Variants in SSX1 observed in about 807,000 individuals in gnomAD.
SSX1 encodes the protein protein SSX1.
Under a neutral mutation model 14.6 loss-of-function variants are expected in SSX1, and 58 were observed. The ratio of observed to expected loss-of-function variants is 3.96; its 90% confidence interval spans 3.21 to 4.93. SSX1 has a LOEUF of 4.93. Ranked by LOEUF, SSX1 falls within the 30% of genes most tolerant of loss-of-function variation. SSX1 has a pLI of 0.00. For missense variants in SSX1, 272 were observed against 143.1 expected, an observed-to-expected ratio of 1.90 and a Z score of -4.60; for synonymous variants, 46 against 52.1, an observed-to-expected ratio of 0.88 and a Z score of 0.50.
chrX:48,262,346 C>T (rs1334258641), intron 5 of SSX1, among the ~76,000 whole-genome samples: 1 of 112,278 alleles, frequency 8.9e-6, no homozygotes, highest in Non-Finnish European at 1.9e-5. Flanking sequence ...AGCTCCAAGC[C>T]ATTTAAAGCT....
Position 48,266,359 on chromosome X carries a change from T to A in SSX1, c.539T>A (p.Ile180Asn). The change falls in exon 7 of 8, where the codon ATC becomes AAC. Residue 180 changes from isoleucine to asparagine, a missense_variant. Ile to Asn is a moderately radical substitution (Grantham distance 149). Transcript: ENST00000376919. ...ERKQLVIYEE[I>N]SDPEEDDE ...AAGCAGCTGGTGATTTATGAAGAGA[T>A]CAGTGACCCTGAGGAAGATGACGAG... 2 of 1,210,043 alleles carry A rather than the reference T, an allele frequency of 1.7e-6. No homozygotes were observed. The highest frequency in any genetic ancestry group is 2.2e-6 in the Non-Finnish European group (2 of 895,343).
In SSX1 at chrX:48,261,788, C is replaced by T. The variant is rs1556935513; in HGVS notation, c.303C>T (p.Phe101=). 1.3e-5 allele frequency: 16 copies of T among 1,210,889 alleles called. No homozygotes were observed. Among genetic ancestry groups the T allele is most frequent in the East Asian group, 3.0e-5 (1 of 33,812 alleles). Residue 101 remains phenylalanine, a synonymous_variant, in exon 5 of 8, where the codon TTC becomes TTT. Coordinates refer to ENST00000376919, the MANE Select transcript of SSX1 (RefSeq NM_005635.4). ...RIQVEHPQMT[F]GRLHRIIPKI... is the part of the protein sequence containing the mutation. ...CAGTTGAACATCCTCAGATGACTTT[C>T]GGCAGGCTCCACAGAATCATCCCGA...
intron 4 of SSX1, among the ~76,000 whole-genome samples, chrX:48,261,271 C>A (rs1428205582): frequency 8.9e-6 from 1 of 111,975 alleles, no homozygotes; most frequent in Non-Finnish European, 1.9e-5. Flanking sequence ...AGATCTGAAA[C>A]TCCAGTGCTT....
chrX:48,264,775 G>C (rs782420934), intron 6 of SSX1, among the ~76,000 whole-genome samples: 1 of 112,830 alleles, frequency 8.9e-6, no homozygotes, highest in South Asian at 3.6e-4. Context: ...ATCATCTCTA[G>C]CTATGAAAGT....
At chrX:48,256,334 T>G (rs1379129391) in intron 1 of SSX1, among the ~76,000 whole-genome samples, 19 of 107,956 alleles carry the variant, frequency 1.8e-4, no homozygotes, top group African/African-American at 6.1e-4. Context: ...AGTAGAGGGT[T>G]TTTCTAGGTT....
intron 4 of SSX1, among the ~76,000 whole-genome samples, chrX:48,260,304 T>C (rs1421867849): frequency 6.3e-5 from 7 of 110,497 alleles, no homozygotes; most frequent in African/African-American, 2.3e-4. Flanking sequence ...GGGTTGTTTG[T>C]TTTTTTCTTG....
chrX:48,256,549 C>A (rs1283210909), intron 1 of SSX1, among the ~76,000 whole-genome samples: 1 of 102,173 alleles, frequency 9.8e-6, no homozygotes, highest in Non-Finnish European at 2.0e-5. Context: ...GATCTGCACG[C>A]CTCGGCCTCC....
intron 7 of SSX1, 62 bp downstream of exon 7, chrX:48,266,453 G>T: frequency 1.2e-5 from 15 of 1,203,143 alleles, no homozygotes; most frequent in Non-Finnish European, 1.7e-5. Context: ...TTATGGTACT[G>T]GTATCCCATC....
At chrX:48,262,351 A>G (rs2059607056) in intron 5 of SSX1, among the ~76,000 whole-genome samples, 3 of 112,300 alleles carry the variant, frequency 2.7e-5, no homozygotes, top group Admixed American at 9.4e-5. Flanking sequence ...CAAGCCATTT[A>G]AAGCTCATTC....
chrX:48,258,703 G>A (rs2059593289), intron 4 of SSX1, 72 bp downstream of exon 4: 3 of 873,405 alleles, frequency 3.4e-6, no homozygotes, highest in Middle Eastern at 2.8e-4. Context: ...ACCTGGGAAA[G>A]ATCCTCTGGC....
At chrX:48,266,726 C>T (rs1169542932) in intron 7 of SSX1, 128 bp from the exon 8 acceptor site, 3 of 519,146 alleles carry the variant, frequency 5.8e-6, no homozygotes, top group South Asian at 2.9e-5. Context: ...CCATGGAAGG[C>T]GTGTCCAGGT....
chrX:48,267,277 ACG>A lies in SSX1; in HGVS notation c.*430_*431del, dbSNP rs1491064823. 7.4e-5 allele frequency: 15 copies of A among 202,969 alleles called. No individual in the cohort carries two copies. Among genetic ancestry groups the A allele is most frequent in the Middle Eastern group, 1.5e-3 (1 of 671 alleles). 16.7% of individuals were successfully genotyped at this position (202,969 alleles called of 1,213,427 possible). A position where few individuals can be genotyped will look rare whatever the true frequency, so the allele number is the denominator to read the frequency against. On this transcript the variant is annotated 3_prime_UTR_variant, in exon 8 of 8. Coordinates refer to ENST00000376919, the MANE Select transcript of SSX1 (RefSeq NM_005635.4). Reference sequence around the variant, plus strand: ...CATTTACACACACACACACACACACACGCACACACACACACCAAGTACCAGTA... The same window carrying A: ...CATTTACACACACACACACACACACACACACACACACACCAAGTACCAGTA...
chrX:48,259,086 T>C (rs1556935051), intron 4 of SSX1, among the ~76,000 whole-genome samples: 1 of 111,381 alleles, frequency 9.0e-6, no homozygotes, highest in African/African-American at 3.3e-5. Flanking sequence ...AACCTCTGCC[T>C]CCCGGGTTCA....
intron 4 of SSX1, among the ~76,000 whole-genome samples, 172 bp downstream of exon 4, chrX:48,258,803 C>T (rs1349206740): frequency 4.9e-5 from 4 of 82,356 alleles, no homozygotes; most frequent in Admixed American, 1.3e-4. Flanking sequence ...AATTCTAAAA[C>T]ATGCAAAAGT....
Position 48,263,903 on chromosome X carries a change from T to C in SSX1, c.452T>C (p.Ile151Thr), listed in dbSNP as rs782660355. 34 of 1,209,052 alleles carry C rather than the reference T, an allele frequency of 2.8e-5. No homozygotes were observed. Among genetic ancestry groups the C allele is most frequent in the Non-Finnish European group, 3.5e-5 (31 of 894,893 alleles). Residue 151 changes from isoleucine (I) to threonine (T), a missense_variant, in exon 6 of 8, where the codon ATT becomes ACT. Coordinates refer to ENST00000376919, the MANE Select transcript of SSX1 (RefSeq NM_005635.4). ...PPGKANISEK[I>T]NKRSGPKRGK... is the part of the protein sequence containing the mutation. ...GGAAAAGCAAATATTTCTGAGAAGATTAATAAGAGATCTGGTAAGAGGAAA... is the reference window on the plus strand; with the variant it reads ...GGAAAAGCAAATATTTCTGAGAAGACTAATAAGAGATCTGGTAAGAGGAAA...
rs1556936426 is a variant in SSX1 at position 48,266,306 on chromosome X, T to C, written c.486T>C (p.His162=). Residue 162 remains histidine (H), a synonymous_variant, in exon 7 of 8, where the codon CAT becomes CAC. Transcript: ENST00000376919. ...NKRSGPKRGK[H]AWTHRLRERK... ...TCATAGGACCCAAAAGGGGGAAACA[T>C]GCCTGGACCCACAGACTGCGTGAGA... 1 of 1,209,958 alleles carries C rather than the reference T, an allele frequency of 8.3e-7. No homozygotes were observed.
In SSX1 at chrX:48,257,299, A is replaced by T; in HGVS notation, c.58A>T (p.Lys20Ter). 1.7e-6 allele frequency: 2 copies of T among 1,210,682 alleles called. No homozygotes were observed. The highest frequency in any genetic ancestry group is 2.2e-6 in the Non-Finnish European group (2 of 894,787). The stretch of plus-strand genomic sequence containing the variant: ...CAGGGATGATGCTAAAGCATCAGAG[A>T]AGAGAAGCAAGGTGACGTGACCTGG... The part of the protein sequence containing the change: ...RPRDDAKASE[K>*]RSKAFDDIAT... Residue 20 changes from lysine to a stop codon, truncating the protein, a stop_gained, in exon 2 of 8, where the codon AAG becomes TAG. Coordinates refer to ENST00000376919, the MANE Select transcript of SSX1 (RefSeq NM_005635.4). LOFTEE classifies it high-confidence loss of function.
intron 5 of SSX1, 22 bp downstream of exon 5, chrX:48,261,837 AG>A (rs782618859): frequency 8.3e-7 from 1 of 1,207,372 alleles, no homozygotes; most frequent in South Asian, 1.8e-5. Flanking sequence ...TCAAATCTAA[AG>A]GACCAGAGAA....
chrX:48,263,658 T>A (rs1244418192), intron 5 of SSX1, 124 bp from the exon 6 acceptor site: 151 of 983,934 alleles, frequency 1.5e-4, no homozygotes, highest in Non-Finnish European at 2.1e-4. Flanking sequence ...TTTAGGCAAG[T>A]GTAACTCTCC....
Sources: allele counts gnomAD v4.1 joint callset (sites outside exome capture counted in the v4.1 genomes callset), GRCh38; gene constraint gnomAD v4.1.1; transcripts MANE v1.5; gene names NCBI Gene and HGNC (gene_info 2026-07-23, HGNC 2026-07-21).